MMS22L: variants seen among roughly 807,000 people sequenced by gnomAD.
MMS22L encodes protein MMS22-like.
MMS22L carries 74 observed loss-of-function variants against 159.1 expected under a neutral mutation model. The ratio of observed to expected loss-of-function variants is 0.47; its 90% CI spans 0.39 to 0.56. The LOEUF is 0.56. Ranked by LOEUF, MMS22L falls within the 20% of genes least tolerant of loss-of-function variation. MMS22L has a pLI of 0.00. For synonymous variants in MMS22L, 517 were observed against 506.9 expected (o/e 1.02, Z -0.27); for missense variants, 1,351 against 1,422.1 (o/e 0.95, Z 0.80).
chr6:97,161,990 T>G lies in MMS22L; in HGVS notation c.3385+12A>C, dbSNP rs751303415. ...AAAGAAAATGGTAACAAAAATAAGC[T>G]TACAAACAAACCTTGTGGTTCACTG... is the stretch of plus-strand genomic sequence containing the variant. On this transcript the variant is annotated intron_variant, in intron 22 of 24. Coordinates refer to ENST00000683635, the MANE Select transcript of MMS22L (RefSeq NM_001350599.2). 26 of 1,600,770 alleles carry G rather than the reference T, an allele frequency of 1.6e-5. No homozygotes were observed. The highest frequency in any genetic ancestry group is 2.2e-5 in the Non-Finnish European group (26 of 1,176,234).
intron 12 of MMS22L, among the ~76,000 whole-genome samples, chr6:97,233,067 G>GAA (rs573093148): frequency 7.6e-6 from 1 of 132,090 alleles, no homozygotes; most frequent in Non-Finnish European, 1.6e-5. Context: ...ACCACTTTCA[G>GAA]AAAAAAAAAA....
At chr6:97,148,644 T>C (rs1479377706) in intron 24 of MMS22L, among the ~76,000 whole-genome samples, 1 of 152,038 alleles carries the variant, frequency 6.6e-6, no homozygotes, top group East Asian at 1.9e-4. Context: ...TGTACAGCTA[T>C]ACAATGTGTG....
At chr6:97,200,103 C>G (rs952753234) in intron 14 of MMS22L, among the ~76,000 whole-genome samples, 3 of 152,024 alleles carry the variant, frequency 2.0e-5, no homozygotes, top group Non-Finnish European at 4.4e-5. Context: ...ACAAAATGCA[C>G]TAACTTAGGA....
chr6:97,178,868 T>C (rs1804391660), intron 17 of MMS22L, among the ~76,000 whole-genome samples: 1 of 151,864 alleles, frequency 6.6e-6, no homozygotes, highest in Non-Finnish European at 1.5e-5. Context: ...TTCATGAAAA[T>C]AACAAGTGGC....
At chr6:97,219,753 C>A (rs947453327) in intron 14 of MMS22L, among the ~76,000 whole-genome samples, 3 of 152,142 alleles carry the variant, frequency 2.0e-5, no homozygotes, top group Non-Finnish European at 4.4e-5. Context: ...CTATCAGGCA[C>A]TACTAGAGGT....
rs1800712324 is a variant in MMS22L, at chr6:97,143,038, G to T, written c.*3768C>A. On this transcript the variant is annotated 3_prime_UTR_variant, in exon 25 of 25. Transcript: ENST00000683635. ...CTCAATACTGAATGACTTTTCCACA[G>T]TCCTCCATGCTTCCTTCCTTGCCAT... 1 of 152,546 alleles carries T rather than the reference G, an allele frequency of 6.6e-6. No individual in the cohort carries two copies. Among genetic ancestry groups the T allele is most frequent in the Non-Finnish European group, 1.5e-5 (1 of 67,992 alleles). 9.4% of individuals were successfully genotyped at this position (152,546 alleles called of 1,614,324 possible). A position where few individuals can be genotyped will look rare whatever the true frequency, so the allele number is the denominator to read the frequency against.
chr6:97,261,569 T>C (rs528761872), intron 9 of MMS22L: 7 of 152,302 alleles, frequency 4.6e-5, no homozygotes, highest in African/African-American at 1.7e-4. Context: ...CTTTATGTTA[T>C]GGGTAAGGAT....
chr6:97,268,433 C>T (rs1815376881), intron 7 of MMS22L, among the ~76,000 whole-genome samples: 1 of 152,048 alleles, frequency 6.6e-6, no homozygotes, highest in Non-Finnish European at 1.5e-5. Context: ...TGTGATCTGC[C>T]CACCTTGGCC....
upstream of MMS22L, among the ~76,000 whole-genome samples, chr6:97,283,933 TCTAA>T (rs1315502126): frequency 6.6e-6 from 1 of 152,186 alleles, no homozygotes. Context: ...GAATCATACT[TCTAA>T]CTAACCTGTG....
intron 18 of MMS22L, among the ~76,000 whole-genome samples, chr6:97,176,083 T>C (rs1382016544): frequency 1.3e-5 from 2 of 152,190 alleles, no homozygotes; most frequent in African/African-American, 4.8e-5. Flanking sequence ...CAAAACGTAA[T>C]AAAATAAATA....
chr6:97,150,900 A>G (rs1256897594), intron 23 of MMS22L, among the ~76,000 whole-genome samples: 1 of 152,214 alleles, frequency 6.6e-6, no homozygotes, highest in African/African-American at 2.4e-5. Flanking sequence ...ACAAGACTCT[A>G]AAGGGAACAA....
chr6:97,237,875 T>A (rs867797275), intron 11 of MMS22L, among the ~76,000 whole-genome samples: 3 of 152,190 alleles, frequency 2.0e-5, no homozygotes, highest in South Asian at 4.2e-4. Context: ...CATACTAATT[T>A]TATCATGTTT....
At chr6:97,165,709 T>C (rs371195552) in intron 20 of MMS22L, among the ~76,000 whole-genome samples, 4 of 152,216 alleles carry the variant, frequency 2.6e-5, no homozygotes, top group East Asian at 3.9e-4. Flanking sequence ...GGGAGAACAG[T>C]AGGAAGACAA....
rs1265166943 is a variant in MMS22L at position 97,281,381 on chromosome 6, C to T, written c.165-19G>A. On this transcript the variant is annotated intron_variant, in intron 2 of 24. Coordinates refer to ENST00000683635, the MANE Select transcript of MMS22L (RefSeq NM_001350599.2). Reference sequence around the variant, plus strand: ...AATCAATCTGAAATGAAAATTGTTTCAATCTCATAAAAAGTATACTAAGTA... The same window carrying T: ...AATCAATCTGAAATGAAAATTGTTTTAATCTCATAAAAAGTATACTAAGTA... 6.3e-7 allele frequency: 1 copy of T among 1,575,182 alleles called. No homozygotes were observed. The highest frequency in any genetic ancestry group is 1.4e-5 in the African/African-American group (1 of 73,832).
intron 9 of MMS22L, among the ~76,000 whole-genome samples, chr6:97,256,670 G>C (rs978975432): frequency 2.0e-5 from 3 of 152,108 alleles, no homozygotes; most frequent in Admixed American, 6.5e-5. Flanking sequence ...TACTATATTG[G>C]CCAGCTGTGG....
At chr6:97,227,600 A>T (rs1289647021) in intron 14 of MMS22L, among the ~76,000 whole-genome samples, 1 of 152,258 alleles carries the variant, frequency 6.6e-6, no homozygotes, top group African/African-American at 2.4e-5. Flanking sequence ...GAATAGAGAA[A>T]ATCAAGCTAG....
intron 14 of MMS22L, among the ~76,000 whole-genome samples, chr6:97,228,294 T>C (rs1279980469): frequency 6.6e-6 from 1 of 152,226 alleles, no homozygotes; most frequent in Non-Finnish European, 1.5e-5. Context: ...AGAGCTGCTC[T>C]TGACTTTAGT....
chr6:97,182,925 T>C (rs1427143406), intron 15 of MMS22L, among the ~76,000 whole-genome samples: 1 of 152,174 alleles, frequency 6.6e-6, no homozygotes, highest in Non-Finnish European at 1.5e-5. Flanking sequence ...TAGCTCACTA[T>C]CATGCTCTCC....
chr6:97,214,309 T>C (rs968844225), intron 14 of MMS22L, among the ~76,000 whole-genome samples: 7 of 152,240 alleles, frequency 4.6e-5, no homozygotes, highest in South Asian at 2.1e-4. Context: ...AAATAAGAAA[T>C]AGTTAATCCA....
Sources: allele counts gnomAD v4.1 joint callset (sites outside exome capture counted in the v4.1 genomes callset), GRCh38; gene constraint gnomAD v4.1.1; transcripts MANE v1.5; gene names NCBI Gene and HGNC (gene_info 2026-07-23, HGNC 2026-07-21).